Variants in WWOX observed in about 807,000 individuals in gnomAD.
The protein encoded by WWOX is WW domain containing oxidoreductase, also known as WW domain-containing oxidoreductase.
In WWOX, 69 loss-of-function variants were observed where a neutral mutation model predicts 46.2. The ratio of observed to expected loss-of-function variants is 1.49; its 90% CI spans 1.23 to 1.82. WWOX has a LOEUF of 1.82. WWOX is among the 40% of genes most tolerant of loss of function. The pLI, the probability that WWOX is intolerant of heterozygous loss-of-function variation, is 0.00. For synonymous variants in WWOX, 359 were observed against 202.6 expected, an observed-to-expected ratio of 1.77 and a Z score of -6.56; for missense variants, 919 against 542.6, an observed-to-expected ratio of 1.69 and a Z score of -6.89.
chr16:78,606,753 C>T (rs908124462), intron 8 of WWOX, among the ~76,000 whole-genome samples: 9 of 135,222 alleles, frequency 6.7e-5, no homozygotes, highest in South Asian at 2.3e-4. Context: ...AAATAGGGGA[C>T]GCTATTGTCA....
At chr16:79,102,042 G>A (rs1189616585) in intron 8 of WWOX, among the ~76,000 whole-genome samples, 2 of 124,380 alleles carry the variant, frequency 1.6e-5, no homozygotes, top group African/African-American at 5.9e-5. Flanking sequence ...GTGGGGGTGG[G>A]GGGCAGGGAG....
At chr16:78,298,573 C>T (rs1023089221) in intron 5 of WWOX, among the ~76,000 whole-genome samples, 1 of 152,128 alleles carries the variant, frequency 6.6e-6, no homozygotes, top group Non-Finnish European at 1.5e-5. Context: ...GGGCAGATCA[C>T]CTGAGGTCAG....
At chr16:79,031,322 G>T (rs1302645666) in intron 8 of WWOX, among the ~76,000 whole-genome samples, 1 of 152,090 alleles carries the variant, frequency 6.6e-6, no homozygotes, top group East Asian at 1.9e-4. Flanking sequence ...ACTGATCACT[G>T]TCCCATCCTG....
chr16:78,822,665 A>G (rs1004554017), intron 8 of WWOX, among the ~76,000 whole-genome samples: 3 of 152,230 alleles, frequency 2.0e-5, no homozygotes, highest in African/African-American at 7.2e-5. Flanking sequence ...GAATCTTTCC[A>G]TGATGAGAGT....
intron 8 of WWOX, among the ~76,000 whole-genome samples, chr16:79,023,643 G>T (rs759631920): frequency 7.2e-5 from 11 of 152,128 alleles, no homozygotes; most frequent in Non-Finnish European, 1.3e-4. Context: ...CATTACGCTG[G>T]ACGTGGTGGC....
chr16:78,337,630 A>T (rs2080922918), intron 5 of WWOX, among the ~76,000 whole-genome samples: 1 of 152,144 alleles, frequency 6.6e-6, no homozygotes. Context: ...CACGCCTCTA[A>T]AAGTCCCCTG....
chr16:78,221,409 A>C (rs929745626), intron 5 of WWOX, among the ~76,000 whole-genome samples: 4 of 152,202 alleles, frequency 2.6e-5, no homozygotes, highest in Non-Finnish European at 1.5e-5. Context: ...GTTATGTGTA[A>C]AGGAGTTAGT....
At chr16:79,067,028 G>A (rs1188903022) in intron 8 of WWOX, among the ~76,000 whole-genome samples, 2 of 152,274 alleles carry the variant, frequency 1.3e-5, no homozygotes, top group Middle Eastern at 3.4e-3. Flanking sequence ...TCTGTTGAAG[G>A]ACGGCTCTGG....
intron 8 of WWOX, among the ~76,000 whole-genome samples, chr16:78,798,675 T>A (rs1487805689): frequency 2.6e-5 from 4 of 151,626 alleles, no homozygotes; most frequent in Admixed American, 2.0e-4. Context: ...TTTCTCACCA[T>A]CTCAGGGGTA....
chr16:78,896,918 A>T (rs12446531), intron 8 of WWOX: 6 of 152,060 alleles, frequency 3.9e-5, no homozygotes, highest in Non-Finnish European at 5.9e-5. Flanking sequence ...TGGATCCACC[A>T]CCCCAGTTAA....
At chr16:78,880,406 T>G (rs1244437635) in intron 8 of WWOX, among the ~76,000 whole-genome samples, 1 of 152,364 alleles carries the variant, frequency 6.6e-6, no homozygotes, top group South Asian at 2.1e-4. Context: ...ATTATGCGAT[T>G]ACAAAAATGA....
intron 5 of WWOX, among the ~76,000 whole-genome samples, chr16:78,200,759 C>T (rs977526308): frequency 1.3e-5 from 2 of 151,998 alleles, no homozygotes; most frequent in African/African-American, 4.8e-5. Context: ...TTGGGCCCGT[C>T]CACTCGGTTA....
At chr16:78,817,698 C>G (rs1413187499) in intron 8 of WWOX, among the ~76,000 whole-genome samples, 1 of 152,140 alleles carries the variant, frequency 6.6e-6, no homozygotes, top group Non-Finnish European at 1.5e-5. Context: ...CGGGCCCTGT[C>G]TTCGCTTGGC....
intron 8 of WWOX, among the ~76,000 whole-genome samples, chr16:78,820,331 C>A (rs7196220): frequency 0.22 from 33,128 of 152,124 alleles, 3,848 homozygotes; most frequent in Non-Finnish European, 0.26. Flanking sequence ...TGCATGCCCT[C>A]CAACAGTGGA....
intron 8 of WWOX, among the ~76,000 whole-genome samples, chr16:78,992,098 C>T (rs888398320): frequency 1.3e-5 from 2 of 152,140 alleles, no homozygotes; most frequent in Non-Finnish European, 2.9e-5. Flanking sequence ...CTGTGATGTG[C>T]TAGTTACTAA....
rs570938562 is a variant in WWOX, at chr16:78,821,384, A to G, written c.1056+388632A>G. On this transcript the variant is annotated intron_variant, in intron 8 of 8. Transcript: ENST00000566780. ...AACAGGTGTATGTGGCCTCTGGTTT[A>G]TCCTTCTTTCCCCCTGCTCACCACA... 2.2e-4 allele frequency among the ~76,000 whole-genome samples: 33 copies of G among 152,228 alleles called. No individual in the cohort carries two copies. The East Asian group carries it at 6.4e-3, about 29-fold the overall frequency.
intron 8 of WWOX, among the ~76,000 whole-genome samples, chr16:78,592,221 T>G (rs1018467356): frequency 6.6e-6 from 1 of 152,250 alleles, no homozygotes; most frequent in African/African-American, 2.4e-5. Flanking sequence ...GTTTTATTTT[T>G]TGTTTGTTTG....
At position 78,347,154 on chromosome 16, in the gene WWOX, C is replaced by G. The variant is rs1486810885; in HGVS notation, c.517-39706C>G. Among the ~76,000 whole-genome samples the G allele has an allele frequency of 2.5e-5, 3 of 119,038 alleles. 1 individual carries two copies. The highest frequency in any genetic ancestry group is 6.0e-5 in the Non-Finnish European group (3 of 50,064). 78.1% of individuals were successfully genotyped at this position (119,038 alleles called of 152,430 possible). ...AGTCATCGTCACAATCAAGCCATAG[C>G]TTCTTTTAAACTTTGTCTTCCTTCT... On this transcript the variant is annotated intron_variant, in intron 5 of 8. Coordinates refer to ENST00000566780, the MANE Select transcript of WWOX (RefSeq NM_016373.4).
intron 8 of WWOX, among the ~76,000 whole-genome samples, chr16:78,698,328 C>T (rs9926201): frequency 2.0e-5 from 3 of 152,134 alleles, no homozygotes; most frequent in African/African-American, 7.3e-5. Context: ...ATGAGAGATA[C>T]AGATGGTTAA....
Sources: gnomAD v4.1 joint callset for allele counts (sites outside exome capture counted in the v4.1 genomes callset) on GRCh38, gnomAD v4.1.1 for gene constraint, MANE v1.5 for transcripts, NCBI Gene and HGNC (gene_info 2026-07-23, HGNC 2026-07-21) for gene names.